Variants in CDK14 observed in about 807,000 individuals in gnomAD.
The protein encoded by CDK14 is cyclin dependent kinase 14.
CDK14 carries 34 observed loss-of-function variants against 60.7 expected under a neutral mutation model. The ratio of observed to expected loss-of-function variants is 0.56; its 90% CI spans 0.43 to 0.75. The LOEUF is 0.75. Ranked by LOEUF, CDK14 falls within the 30% of genes least tolerant of loss-of-function variation. The probability of loss-of-function intolerance (pLI) is 0.00; values close to 1 mark genes in which losing one functional copy is unlikely to be tolerated. For synonymous variants in CDK14, 197 were observed against 203.7 expected (o/e 0.97, Z 0.28); for missense variants, 482 against 564.1 (o/e 0.85, Z 1.47).
At chr7:90,609,760 G>A (rs913050372) in intron 2 of CDK14, among the ~76,000 whole-genome samples, 3 of 152,130 alleles carry the variant, frequency 2.0e-5, no homozygotes, top group African/African-American at 7.2e-5. Flanking sequence ...TAATACAAGT[G>A]GTTAGATACA....
intron 5 of CDK14, among the ~76,000 whole-genome samples, chr7:90,809,559 A>T (rs889862324): frequency 1.3e-5 from 2 of 152,224 alleles, no homozygotes; most frequent in Non-Finnish European, 2.9e-5. Flanking sequence ...ACAAATTAAA[A>T]GAACTAGAGA....
chr7:90,991,690 T>G (rs1795541730), intron 10 of CDK14, among the ~76,000 whole-genome samples: 1 of 152,124 alleles, frequency 6.6e-6, no homozygotes, highest in Admixed American at 6.6e-5. Flanking sequence ...AAAGAAAGAT[T>G]TCCTGCCCCA....
At chr7:91,029,608 C>CCCCCCT (rs1489414078) in intron 10 of CDK14, among the ~76,000 whole-genome samples, 1 of 70,194 alleles carries the variant, frequency 1.4e-5, no homozygotes. Flanking sequence ...CCTCTCCTCT[C>CCCCCCT]CTCCGCTCCC....
intron 2 of CDK14, among the ~76,000 whole-genome samples, chr7:90,641,267 C>G (rs1359484808): frequency 6.6e-6 from 1 of 151,954 alleles, no homozygotes; most frequent in Non-Finnish European, 1.5e-5. Context: ...CCAGTAATTC[C>G]ACTCCAAAGT....
intron 4 of CDK14, among the ~76,000 whole-genome samples, chr7:90,751,085 A>G (rs539020989): frequency 4.3e-4 from 65 of 152,272 alleles, no homozygotes; most frequent in African/African-American, 1.5e-3. Flanking sequence ...GACAGAGAAA[A>G]GGTAAACAAC....
chr7:91,187,471 C>T (rs751860766), intron 14 of CDK14, among the ~76,000 whole-genome samples: 9 of 152,110 alleles, frequency 5.9e-5, no homozygotes, highest in Non-Finnish European at 1.3e-4. Context: ...TAGTAATTTT[C>T]AGATCAGGAA....
intron 14 of CDK14, among the ~76,000 whole-genome samples, chr7:91,194,066 AAAG>A (rs1238896904): frequency 3.3e-5 from 5 of 152,186 alleles, no homozygotes; most frequent in African/African-American, 1.2e-4. Context: ...CCAGAGAGCT[AAAG>A]AAGGAGTGGC....
intron 2 of CDK14, among the ~76,000 whole-genome samples, chr7:90,685,361 A>G (rs1205479716): frequency 1.3e-5 from 2 of 152,152 alleles, no homozygotes; most frequent in Non-Finnish European, 2.9e-5. Flanking sequence ...TATTTACTGA[A>G]GCATGATAAT....
intron 2 of CDK14, among the ~76,000 whole-genome samples, chr7:90,665,487 G>A (rs2116515607): frequency 6.6e-6 from 1 of 152,256 alleles, no homozygotes; most frequent in South Asian, 2.1e-4. Context: ...CAATTAAAAA[G>A]CAAATCCCCA....
intron 11 of CDK14, among the ~76,000 whole-genome samples, chr7:91,048,587 T>G (rs1797304311): frequency 6.6e-6 from 1 of 152,230 alleles, no homozygotes; most frequent in Non-Finnish European, 1.5e-5. Context: ...TTCATCAAAC[T>G]GTTGTCCAAA....
intron 5 of CDK14, among the ~76,000 whole-genome samples, chr7:90,840,952 A>C (rs1790269173): frequency 6.6e-6 from 1 of 152,198 alleles, no homozygotes; most frequent in African/African-American, 2.4e-5. Flanking sequence ...GGAAAAATAC[A>C]AGAGAGTACA....
In CDK14 at chr7:91,188,343, G is replaced by C. The variant is rs189244424; in HGVS notation, c.*29-18822G>C. ...AAATGCAAGTGTTTATAACCTCTCA[G>C]TGGAATTGAGGAAAGAAGTAATAGA... On this transcript the variant is annotated intron_variant, in intron 14 of 14. Coordinates refer to ENST00000380050, the MANE Select transcript of CDK14 (RefSeq NM_001287135.2). 6.2e-4 allele frequency among the ~76,000 whole-genome samples: 95 copies of C among 152,228 alleles called. 2 individuals carry two copies. Among genetic ancestry groups the C allele is most frequent in the Non-Finnish European group, 5.0e-4 (34 of 68,032 alleles).
intron 2 of CDK14, among the ~76,000 whole-genome samples, chr7:90,628,336 GCTTT>G (rs1799920282): frequency 6.6e-6 from 1 of 152,134 alleles, no homozygotes; most frequent in Admixed American, 6.5e-5. Context: ...CAGCTTGCCT[GCTTT>G]CTGTTTCATT....
intron 14 of CDK14, among the ~76,000 whole-genome samples, chr7:91,202,250 A>G (rs978501447): frequency 6.6e-6 from 1 of 152,238 alleles, no homozygotes; most frequent in Non-Finnish European, 1.5e-5. Flanking sequence ...TTTATAGCCA[A>G]GAAGCTCTAT....
chr7:90,793,926 C>T (rs1466228464), intron 5 of CDK14, among the ~76,000 whole-genome samples: 1 of 152,116 alleles, frequency 6.6e-6, no homozygotes, highest in Admixed American at 6.5e-5. Flanking sequence ...TCAGTCTCTG[C>T]TCTAATACAA....
chr7:90,684,658 G>GC (rs1278141273), intron 2 of CDK14, among the ~76,000 whole-genome samples: 1 of 152,142 alleles, frequency 6.6e-6, no homozygotes, highest in Non-Finnish European at 1.5e-5. Flanking sequence ...TCCTATTGTA[G>GC]CCCATACTAA....
At chr7:90,843,635 C>T (rs1790371820) in intron 5 of CDK14, among the ~76,000 whole-genome samples, 1 of 152,208 alleles carries the variant, frequency 6.6e-6, no homozygotes, top group East Asian at 1.9e-4. Flanking sequence ...AGACCCATGG[C>T]AAAGTTCCCT....
intron 5 of CDK14, among the ~76,000 whole-genome samples, chr7:90,834,576 T>C (rs1790028293): frequency 6.6e-6 from 1 of 152,184 alleles, no homozygotes; most frequent in African/African-American, 2.4e-5. Context: ...TTTGGGTTTT[T>C]AGTAGACTGG....
chr7:90,675,145 A>T (rs1008938031), intron 2 of CDK14, among the ~76,000 whole-genome samples: 3 of 152,114 alleles, frequency 2.0e-5, no homozygotes, highest in African/African-American at 7.2e-5. Context: ...GAGAGCCTGG[A>T]ATTTTGCCCA....
Sources: gnomAD v4.1 joint callset for allele counts (sites outside exome capture counted in the v4.1 genomes callset) on GRCh38, gnomAD v4.1.1 for gene constraint, MANE v1.5 for transcripts, NCBI Gene and HGNC (gene_info 2026-07-23, HGNC 2026-07-21) for gene names.